RNF166: variants seen among roughly 807,000 people sequenced by gnomAD.
RNF166 encodes ring finger protein 166.
Under a neutral mutation model 29.4 loss-of-function variants are expected in RNF166, and 19 were observed. That is an observed-to-expected ratio of 0.65 (90% CI 0.45 to 0.95). The LOEUF (loss-of-function observed/expected upper bound fraction) is 0.95. Ranked by LOEUF, RNF166 falls within the 40% of genes least tolerant of loss-of-function variation. The pLI is 0.00. For synonymous variants in RNF166, 171 were observed against 134.5 expected (o/e 1.27, Z -1.88); for missense variants, 347 against 322.1 (o/e 1.08, Z -0.59).
In RNF166 at chr16:88,706,406, G is replaced by A; in HGVS notation, c.-81C>T. The A allele has an allele frequency of 8.1e-7, 1 of 1,233,364 alleles. No individual in the cohort carries two copies. The highest frequency in any genetic ancestry group is 1.0e-6 in the Non-Finnish European group (1 of 976,758). 76.4% of individuals were successfully genotyped at this position (1,233,364 alleles called of 1,614,324 possible). A position where few individuals can be genotyped will look rare whatever the true frequency, so the allele number is the denominator to read the frequency against. On this transcript the variant is annotated 5_prime_UTR_variant, in exon 1 of 6. Transcript: ENST00000312838. ...CTAGTCACAGCCGCTACTGCGCCGC[G>A]CTGACGTCATCGTAGGGCGCCGCCC...
intron 1 of RNF166, chr16:88,703,628 T>C (rs1332236268): frequency 1.0e-6 from 1 of 985,422 alleles, no homozygotes; most frequent in African/African-American, 1.7e-5. Context: ...AGTGCCCGCT[T>C]CCCCCACAGG....
chr16:88,697,853 T>C (rs577821287), intron 5 of RNF166: 5 of 521,908 alleles, frequency 9.6e-6, no homozygotes, highest in East Asian at 3.2e-5. Context: ...ACGGGGGCAC[T>C]CGGAATGGAT....
Position 88,704,608 on chromosome 16 carries a change from A to G in RNF166, c.155+1563T>C, listed in dbSNP as rs1003396471. The G allele has an allele frequency of 4.1e-6, 4 of 968,564 alleles. No homozygotes were observed. In the African/African-American group the frequency reaches 7.0e-5, roughly 17 times the overall value. The allele number at this position is 968,564 out of a possible 1,614,324, so 60.0% of individuals were successfully genotyped here. ...CCCAAAGCCTACGGGAGGCTTTTCT[A>G]AAACAAGGCCTAAGTCAAGCCTCAC... On this transcript the variant is annotated intron_variant, in intron 1 of 5. Transcript: ENST00000312838.
intron 1 of RNF166, chr16:88,704,098 T>C (rs1341779825): frequency 1.0e-6 from 1 of 983,990 alleles, no homozygotes; most frequent in Non-Finnish European, 1.2e-6. Context: ...GGGATACTCT[T>C]GCCATGAGAG....
In RNF166 at chr16:88,703,267, C is replaced by G. The variant is rs150480782; in HGVS notation, c.156-1849G>C. 8.3e-5 allele frequency: 81 copies of G among 976,130 alleles called. No homozygotes were observed. In the African/African-American group the frequency reaches 1.3e-3, roughly 15 times the overall value. The allele number at this position is 976,130 out of a possible 1,614,324, so 60.5% of individuals were successfully genotyped here. ...AATTGCATCGATTGTTGCATAATTG[C>G]AAACACACTGGAAACGACTGGATGG... is the stretch of plus-strand genomic sequence containing the variant. On this transcript the variant is annotated intron_variant, in intron 1 of 5. Transcript: ENST00000312838.
chr16:88,703,066 G>A (rs772302806), intron 1 of RNF166: 81 of 985,448 alleles, frequency 8.2e-5, no homozygotes, highest in South Asian at 9.4e-5. Context: ...ACCACGCACC[G>A]GAAGGCCTGG....
intron 2 of RNF166, 133 bp from the exon 3 acceptor site, chr16:88,699,865 C>T (rs2142639436): frequency 3.3e-6 from 2 of 603,228 alleles, no homozygotes; most frequent in African/African-American, 1.9e-5. Flanking sequence ...CAGGGGGACC[C>T]GGTCCCTTCT....
At chr16:88,701,720 G>T (rs1481151921) in intron 1 of RNF166, 5 of 342,588 alleles carry the variant, frequency 1.5e-5, no homozygotes, top group African/African-American at 2.1e-5. Flanking sequence ...CCCATAGGCA[G>T]GAGGCCCCAG....
intron 1 of RNF166, chr16:88,703,225 T>C (rs931725729): frequency 2.8e-5 from 27 of 975,224 alleles, no homozygotes; most frequent in Admixed American, 1.2e-4. Flanking sequence ...CTTTCTGGAG[T>C]GGGAAGAATC....
At chr16:88,703,350 G>A (rs75410747) in intron 1 of RNF166, 22,396 of 985,512 alleles carry the variant, frequency 0.023, 304 homozygotes, top group Non-Finnish European at 0.026. Context: ...CGGCTGCACA[G>A]CACGGCCACG....
In RNF166 at chr16:88,698,620, C is replaced by A; in HGVS notation, c.541-11G>T. 1 of 1,504,396 alleles carries A rather than the reference C, an allele frequency of 6.6e-7. No individual in the cohort carries two copies. The highest frequency in any genetic ancestry group is 8.9e-7 in the Non-Finnish European group (1 of 1,119,672). The allele number at this position is 1,504,396 out of a possible 1,614,324, so 93.2% of individuals were successfully genotyped here. A position where few individuals can be genotyped will look rare whatever the true frequency, so the allele number is the denominator to read the frequency against. ...GCAGATGGGGCACACCTGGAACAGG[C>A]ACTGGGGTCAAGCCGAGCCGGACCG... On this transcript the variant is annotated splice_polypyrimidine_tract_variant and intron_variant, in intron 4 of 5. Transcript: ENST00000312838.
At position 88,701,242 on chromosome 16, in the gene RNF166, C is replaced by T. The variant is rs746796076; in HGVS notation, c.312+20G>A. ...CCATCAAGTGACCCCGGCTCCAGGG[C>T]GGCCCAAGCAGGCGGGTACCTTTTT... is the stretch of plus-strand genomic sequence containing the variant. On this transcript the variant is annotated intron_variant, in intron 2 of 5. Coordinates refer to ENST00000312838, the MANE Select transcript of RNF166 (RefSeq NM_178841.4). 22 of 1,613,082 alleles carry T rather than the reference C, an allele frequency of 1.4e-5. No individual in the cohort carries two copies. The highest frequency in any genetic ancestry group is 3.3e-5 in the Admixed American group (2 of 59,998).
intron 1 of RNF166, chr16:88,703,312 C>A (rs748460727): frequency 2.0e-5 from 20 of 985,424 alleles, no homozygotes; most frequent in Non-Finnish European, 2.4e-5. Context: ...TGAGTGAACC[C>A]TGAGCTGCCA....
intron 5 of RNF166, chr16:88,698,257 T>C: frequency 1.5e-6 from 1 of 682,364 alleles, no homozygotes; most frequent in Non-Finnish European, 2.7e-6. Flanking sequence ...GGCAGGGACC[T>C]GCCCTGTGCG....
chr16:88,704,365 C>T (rs1268389216), intron 1 of RNF166: 3 of 985,342 alleles, frequency 3.0e-6, no homozygotes, highest in South Asian at 4.7e-5. Flanking sequence ...TTGCAGGACC[C>T]GCGGTGAGAC....
At position 88,700,661 on chromosome 16, in the gene RNF166, G is replaced by A. The variant is rs1287371591; in HGVS notation, c.312+601C>T. The A allele has an allele frequency of 2.7e-5, 27 of 986,550 alleles. No homozygotes were observed. In the South Asian group the frequency reaches 2.8e-4, roughly 10 times the overall value. The allele number at this position is 986,550 out of a possible 1,614,324, so 61.1% of individuals were successfully genotyped here. On this transcript the variant is annotated intron_variant, in intron 2 of 5. Transcript: ENST00000312838. ...CCGGAAGCCACTGAAAGAACGGGGC[G>A]CTGGCTGGGGCCTCTCCACCCTGAA... is the stretch of plus-strand genomic sequence containing the variant.
chr16:88,703,012 C>G, intron 1 of RNF166: 1 of 985,406 alleles, frequency 1.0e-6, no homozygotes, highest in African/African-American at 1.7e-5. Context: ...GTGGCGTGCA[C>G]ACCCATGGAA....
rs756905133 is a variant in RNF166 at position 88,699,608 on chromosome 16, C to G, written c.425+12G>C. 1.2e-6 allele frequency: 2 copies of G among 1,600,046 alleles called. No homozygotes were observed. Among genetic ancestry groups the G allele is most frequent in the South Asian group, 1.1e-5 (1 of 90,400 alleles). On this transcript the variant is annotated intron_variant, in intron 3 of 5. Coordinates refer to ENST00000312838, the MANE Select transcript of RNF166 (RefSeq NM_178841.4). Reference sequence around the variant, plus strand: ...AGGACAGTTCCTCTCCCTTGCCCGGCAGCGTGCCTACCTGGGGATAGGCTG... The same window carrying G: ...AGGACAGTTCCTCTCCCTTGCCCGGGAGCGTGCCTACCTGGGGATAGGCTG...
chr16:88,703,182 T>C, intron 1 of RNF166: 1 of 981,864 alleles, frequency 1.0e-6, no homozygotes, highest in Non-Finnish European at 1.2e-6. Context: ...AGCAGACGGG[T>C]GGGTGCCAGG....
Sources: gnomAD v4.1 joint callset for allele counts on GRCh38, gnomAD v4.1.1 for gene constraint, MANE v1.5 for transcripts, NCBI Gene and HGNC (gene_info 2026-07-23, HGNC 2026-07-21) for gene names.